Variants in FAM228B observed in about 807,000 individuals in gnomAD.
The protein encoded by FAM228B is protein FAM228B.
In FAM228B, 38 loss-of-function variants were observed where a neutral mutation model predicts 42.6. The ratio of observed to expected loss-of-function variants is 0.89; its 90% CI spans 0.69 to 1.17. FAM228B has a LOEUF of 1.17. Ranked by LOEUF, FAM228B falls within the 50% of genes most tolerant of loss-of-function variation. The pLI is 0.00. For synonymous variants in FAM228B, 109 were observed against 122.3 expected, an observed-to-expected ratio of 0.89 and a Z score of 0.72; for missense variants, 344 against 367.3, an observed-to-expected ratio of 0.94 and a Z score of 0.52.
upstream of FAM228B, chr2:24,123,441 TC>T (rs946677114): frequency 8.6e-5 from 13 of 151,870 alleles, no homozygotes; most frequent in Admixed American, 7.9e-4. Context: ...CCTGAAGCCG[TC>T]CTCCGCCGCC....
At chr2:24,083,172 C>G (rs750128704) in intron 2 of FAM228B, 11 of 1,579,788 alleles carry the variant, frequency 7.0e-6, no homozygotes, top group Non-Finnish European at 9.5e-6. Flanking sequence ...AAGAAGTGCA[C>G]TAAGTGGTGA....
upstream of FAM228B, chr2:24,122,627 C>G: frequency 1.2e-6 from 1 of 841,172 alleles, no homozygotes; most frequent in Non-Finnish European, 2.0e-6. Flanking sequence ...CCTTAAGACA[C>G]TGCAGACAGT....
chr2:24,162,875 T>C (rs562840609), intron 8 of FAM228B, among the ~76,000 whole-genome samples: 57 of 151,976 alleles, frequency 3.8e-4, no homozygotes, highest in Non-Finnish European at 6.6e-4. Flanking sequence ...AAAAGGCAAA[T>C]CTGTAAAGAC....
At chr2:24,152,735 C>T (rs1667053284) in intron 7 of FAM228B, among the ~76,000 whole-genome samples, 1 of 152,208 alleles carries the variant, frequency 6.6e-6, no homozygotes, top group Admixed American at 6.5e-5. Context: ...CTGAAGACGT[C>T]TAGTATAGCA....
chr2:24,080,795 T>C lies in FAM228B; in HGVS notation c.-289-81T>C, dbSNP rs765163231. 1.2e-6 allele frequency: 2 copies of C among 1,613,314 alleles called. No homozygotes were observed. Among genetic ancestry groups the C allele is most frequent in the South Asian group, 1.1e-5 (1 of 91,056 alleles). On this transcript the variant is annotated intron_variant, in intron 1 of 10. Transcript: ENST00000613899. This position sits in a 1 kb window ranked among gnomAD's most constrained non-coding sequence, Gnocchi z 4.7. ...ATTTAATCATCTCTTAAATTCCTGC[T>C]GAACTGTAGAAGCAGTTGTTTACCT... is the stretch of plus-strand genomic sequence containing the variant.
chr2:24,112,107 A>G (rs1336683626), intron 3 of FAM228B, among the ~76,000 whole-genome samples: 5 of 152,236 alleles, frequency 3.3e-5, no homozygotes, highest in African/African-American at 1.2e-4. Flanking sequence ...TAATGTTTAT[A>G]TGATATGCAG....
chr2:24,125,225 C>G (rs1352611021), intron 2 of FAM228B, among the ~76,000 whole-genome samples: 1 of 151,958 alleles, frequency 6.6e-6, no homozygotes, highest in African/African-American at 2.4e-5. Flanking sequence ...CACAAACGAA[C>G]GAACAATAAT....
chr2:24,148,243 C>T (rs1666942073), intron 7 of FAM228B, among the ~76,000 whole-genome samples: 1 of 152,198 alleles, frequency 6.6e-6, no homozygotes, highest in African/African-American at 2.4e-5. Context: ...TCCATGCAAG[C>T]TGGCATCATA....
At chr2:24,126,348 G>T (rs13418279) in intron 2 of FAM228B, among the ~76,000 whole-genome samples, 47,031 of 152,110 alleles carry the variant, frequency 0.31, 7,680 homozygotes, top group South Asian at 0.43. Flanking sequence ...TATTTATACT[G>T]ATTTATTGTA....
intron 2 of FAM228B, among the ~76,000 whole-genome samples, chr2:24,092,159 G>A (rs572257881): frequency 1.4e-5 from 2 of 138,630 alleles, no homozygotes; most frequent in African/African-American, 2.7e-5. Flanking sequence ...CTGGCAGGCA[G>A]AGGTTGCATT....
At chr2:24,128,881 C>T (rs1666379096) in intron 2 of FAM228B, among the ~76,000 whole-genome samples, 2 of 152,006 alleles carry the variant, frequency 1.3e-5, no homozygotes. Flanking sequence ...GATACAAAAC[C>T]TCTCCAAATA....
intron 3 of FAM228B, among the ~76,000 whole-genome samples, chr2:24,110,402 C>G (rs1392173172): frequency 6.6e-6 from 1 of 152,096 alleles, no homozygotes; most frequent in South Asian, 2.1e-4. Flanking sequence ...AGAACCAACC[C>G]TGTGATTAGA....
chr2:24,156,003 G>A (rs1667134080), intron 7 of FAM228B, among the ~76,000 whole-genome samples: 2 of 152,302 alleles, frequency 1.3e-5, no homozygotes, highest in Non-Finnish European at 2.9e-5. Context: ...TTATGTAGAA[G>A]GTGCTGATGG....
chr2:24,118,266 C>T (rs1268733565), intron 3 of FAM228B, among the ~76,000 whole-genome samples: 4 of 152,114 alleles, frequency 2.6e-5, no homozygotes, highest in African/African-American at 9.7e-5. Flanking sequence ...AATGGAGCCT[C>T]CTTCAAATCC....
intron 2 of FAM228B, among the ~76,000 whole-genome samples, chr2:24,092,352 A>C (rs576576103): frequency 6.6e-6 from 1 of 151,686 alleles, no homozygotes; most frequent in Non-Finnish European, 1.5e-5. Context: ...AGGTGTGTGG[A>C]TTATTTGAGG....
chr2:24,108,321 G>T (rs921897499), intron 3 of FAM228B, among the ~76,000 whole-genome samples: 2 of 151,554 alleles, frequency 1.3e-5, no homozygotes, highest in African/African-American at 2.4e-5. Context: ...AAACAAAAAA[G>T]GTCCAGGACC....
intron 7 of FAM228B, among the ~76,000 whole-genome samples, chr2:24,152,107 A>T (rs933533691): frequency 3.9e-5 from 6 of 151,964 alleles, no homozygotes; most frequent in Non-Finnish European, 7.4e-5. Context: ...GACCTCAGGT[A>T]ATCTGCCTGC....
rs758343787 is a variant in FAM228B at position 24,080,809 on chromosome 2, A to G, written c.-289-67A>G. 15 of 1,613,990 alleles carry G rather than the reference A, an allele frequency of 9.3e-6. No individual in the cohort carries two copies. Among genetic ancestry groups the G allele is most frequent in the African/African-American group, 2.7e-5 (2 of 74,924 alleles). ...TAAATTCCTGCTGAACTGTAGAAGCAGTTGTTTACCTTTGGTGAATTTCAG... is the reference window on the plus strand; with the variant it reads ...TAAATTCCTGCTGAACTGTAGAAGCGGTTGTTTACCTTTGGTGAATTTCAG... On this transcript the variant is annotated intron_variant, in intron 1 of 10. Transcript: ENST00000613899. This position sits in a 1 kb window ranked among gnomAD's most constrained non-coding sequence, Gnocchi z 4.7.
At chr2:24,158,318 GTC>G (rs1477107947) in intron 7 of FAM228B, among the ~76,000 whole-genome samples, 2 of 149,624 alleles carry the variant, frequency 1.3e-5, no homozygotes. Context: ...GTACAGATTA[GTC>G]TCTCTTTTGT....
Sources: gnomAD v4.1 joint callset for allele counts (sites outside exome capture counted in the v4.1 genomes callset) on GRCh38, gnomAD v4.1.1 for gene constraint, Gnocchi (gnomAD v3.1) non-coding constraint, MANE v1.5 for transcripts, NCBI Gene and HGNC (gene_info 2026-07-23, HGNC 2026-07-21) for gene names.